The following CALD1 variants were observed in gnomAD, a reference collection of about 807,000 sequenced individuals.
CALD1 encodes caldesmon.
In CALD1, 33 loss-of-function variants were observed where a neutral mutation model predicts 99.9. That is an observed-to-expected ratio of 0.33 (90% CI 0.25 to 0.44). The LOEUF is 0.44. CALD1 is among the 20% of genes least tolerant of loss of function. The probability of loss-of-function intolerance (pLI) is 1.00; values close to 1 mark genes in which losing one functional copy is unlikely to be tolerated. For synonymous variants in CALD1, 310 were observed against 325.0 expected, an observed-to-expected ratio of 0.95 and a Z score of 0.50; for missense variants, 861 against 962.1, an observed-to-expected ratio of 0.89 and a Z score of 1.39.
intron 2 of CALD1, among the ~76,000 whole-genome samples, chr7:134,845,048 G>A (rs930196586): frequency 3.3e-5 from 5 of 152,130 alleles, no homozygotes; most frequent in Non-Finnish European, 7.4e-5. Flanking sequence ...CTAATATGCT[G>A]ACTTTTTGTT....
the CALD1 span, among the ~76,000 whole-genome samples, chr7:134,712,219 C>T: frequency 2.6e-5 from 4 of 152,318 alleles, no homozygotes; most frequent in East Asian, 5.8e-4. Flanking sequence ...AAGTACAGAT[C>T]TCTTACCATT....
At chr7:134,748,982 T>C (rs1160228088) in intron 1 of CALD1, among the ~76,000 whole-genome samples, 1 of 152,152 alleles carries the variant, frequency 6.6e-6, no homozygotes, top group Admixed American at 6.5e-5. Flanking sequence ...AGGCACTGTC[T>C]ATAGGCAGAA....
chr7:134,842,812 G>T (rs1291058542), intron 1 of CALD1, among the ~76,000 whole-genome samples: 2 of 152,122 alleles, frequency 1.3e-5, no homozygotes, highest in Non-Finnish European at 2.9e-5. Context: ...AGTTTTTCAT[G>T]CTACTGAATG....
chr7:134,959,966 A>C lies in CALD1; in HGVS notation c.2062-8A>C. 1 of 1,612,484 alleles carries C rather than the reference A, an allele frequency of 6.2e-7. No individual in the cohort carries two copies. The highest frequency in any genetic ancestry group is 8.5e-7 in the Non-Finnish European group (1 of 1,179,394). ...GCACCAATCCTAAAAATAACTCACAAATTTCAGGGAACAAAAAGCGCAAAA... is the reference window on the plus strand; with the variant it reads ...GCACCAATCCTAAAAATAACTCACACATTTCAGGGAACAAAAAGCGCAAAA... On this transcript the variant is annotated splice_polypyrimidine_tract_variant and splice_region_variant and intron_variant, in intron 11 of 14. Transcript: ENST00000361675.
At chr7:134,774,989 C>A (rs1259656388), upstream of CALD1, among the ~76,000 whole-genome samples, 3 of 151,956 alleles carry the variant, frequency 2.0e-5, no homozygotes, top group Non-Finnish European at 4.4e-5. Context: ...TTAGTCTTTT[C>A]ATTTGTTAAT....
intron 1 of CALD1, among the ~76,000 whole-genome samples, chr7:134,772,877 C>G (rs1796887701): frequency 6.6e-6 from 1 of 152,148 alleles, no homozygotes; most frequent in African/African-American, 2.4e-5. Context: ...CAGCTATTGT[C>G]CTGGGATTTT....
rs1475268758 is a variant in CALD1, at chr7:134,965,205, C to T, written c.2296-101C>T. 4.1e-6 allele frequency: 3 copies of T among 727,706 alleles called. No individual in the cohort carries two copies. The African/African-American group carries it at 5.2e-5, about 13-fold the overall frequency. The allele number at this position is 727,706 out of a possible 1,614,324, so 45.1% of individuals were successfully genotyped here. On this transcript the variant is annotated intron_variant, in intron 13 of 14. Transcript: ENST00000361675. ...CACTGGGGTAAAGTGTATTAAACAA[C>T]AAACTGATTCAAATAAACAATAGAT...
chr7:134,748,149 G>A (rs901389630), intron 1 of CALD1, among the ~76,000 whole-genome samples: 5 of 152,250 alleles, frequency 3.3e-5, no homozygotes, highest in East Asian at 1.9e-4. Flanking sequence ...TTGGACTTGC[G>A]CAGAACTTGC....
At chr7:134,742,473 T>TG (rs1796600411), upstream of CALD1, among the ~76,000 whole-genome samples, 2 of 152,192 alleles carry the variant, frequency 1.3e-5, no homozygotes, top group Non-Finnish European at 2.9e-5. Flanking sequence ...GTGGAATGTC[T>TG]TGGAATGTGC....
At chr7:134,791,172 A>G (rs1282138134) in intron 1 of CALD1, among the ~76,000 whole-genome samples, 1 of 151,732 alleles carries the variant, frequency 6.6e-6, no homozygotes, top group African/African-American at 2.4e-5. Flanking sequence ...CTTTGCCTTA[A>G]GACTCAGACA....
chr7:134,905,922 C>CTT (rs5887716), intron 3 of CALD1, among the ~76,000 whole-genome samples: 1,713 of 94,674 alleles, frequency 0.018, 16 homozygotes, highest in African/African-American at 0.032. Context: ...CTCTCTATAT[C>CTT]TTTTTTTTTT....
At chr7:134,736,357 G>T in the CALD1 span, among the ~76,000 whole-genome samples, 1 of 152,162 alleles carries the variant, frequency 6.6e-6, no homozygotes, top group East Asian at 1.9e-4. Flanking sequence ...AGAGTATAGA[G>T]CTACAGAAAA....
chr7:134,804,449 C>A lies in CALD1; in HGVS notation c.-130+24700C>A, dbSNP rs571461023. Among the ~76,000 whole-genome samples the A allele has an allele frequency of 3.5e-5, 5 of 143,006 alleles. No individual in the cohort carries two copies. In the South Asian group the frequency reaches 8.5e-4, roughly 24 times the overall value. The allele number at this position is 143,006 out of a possible 152,430, so 93.8% of individuals were successfully genotyped here. On this transcript the variant is annotated intron_variant, in intron 1 of 14. Transcript: ENST00000361675. Reference sequence around the variant, plus strand: ...TTTAAAGAGACTTTTCTGGAAACTTCTTGGCATTTTCTAGGTTTGGTGCAC... The same window carrying A: ...TTTAAAGAGACTTTTCTGGAAACTTATTGGCATTTTCTAGGTTTGGTGCAC...
At chr7:134,958,869 TTAAATA>T (rs1807992970) in intron 11 of CALD1, among the ~76,000 whole-genome samples, 1 of 93,074 alleles carries the variant, frequency 1.1e-5, no homozygotes. Context: ...TTACTGGTAT[TTAAATA>T]TATATATATA....
At chr7:134,755,386 T>C (rs1042462393) in intron 1 of CALD1, among the ~76,000 whole-genome samples, 1 of 152,226 alleles carries the variant, frequency 6.6e-6, no homozygotes, top group Non-Finnish European at 1.5e-5. Context: ...GGTGAAAATA[T>C]GCTTCATTAT....
chr7:134,844,744 T>G (rs2132171806), intron 2 of CALD1, among the ~76,000 whole-genome samples: 1 of 152,196 alleles, frequency 6.6e-6, no homozygotes, highest in South Asian at 2.1e-4. Context: ...GGTGGATTTC[T>G]CGAGGCCCTC....
intron 3 of CALD1, among the ~76,000 whole-genome samples, chr7:134,900,326 TG>T (rs1221854579): frequency 6.6e-6 from 1 of 152,178 alleles, no homozygotes. Context: ...ATGAATGTTA[TG>T]GTATGCCTGC....
At chr7:134,870,809 T>G (rs540777803) in intron 3 of CALD1, among the ~76,000 whole-genome samples, 1 of 152,294 alleles carries the variant, frequency 6.6e-6, no homozygotes, top group East Asian at 1.9e-4. Context: ...TAAGTTTACC[T>G]TTCCATGTTT....
At position 134,750,258 on chromosome 7, in the gene CALD1, G is replaced by GTCTC. The variant is rs35571307; in HGVS notation, c.-130+5903_-130+5906dup. ...GTCCCTTCCTCCATCCAGGCTTGTGGTCTCTCTCTCTGGTGCCCCCTACTG... is the reference window on the plus strand; with the variant it reads ...GTCCCTTCCTCCATCCAGGCTTGTGGTCTCTCTCTCTCTCTGGTGCCCCCTACTG... On this transcript the variant is annotated intron_variant, in intron 1 of 13. Coordinates refer to the CALD1 transcript ENST00000417172. Among the ~76,000 whole-genome samples, 735 of 151,224 alleles carry GTCTC rather than the reference G, an allele frequency of 4.9e-3. 9 individuals are homozygous for GTCTC. Among genetic ancestry groups the GTCTC allele is most frequent in the African/African-American group, 0.017 (705 of 41,234 alleles).
Sources: allele counts gnomAD v4.1 joint callset (sites outside exome capture counted in the v4.1 genomes callset), GRCh38; gene constraint gnomAD v4.1.1; transcripts MANE v1.5; gene names NCBI Gene and HGNC (gene_info 2026-07-23, HGNC 2026-07-21).